CTNNA2: variants seen among roughly 807,000 people sequenced by gnomAD.
CTNNA2 encodes catenin alpha-2.
A neutral mutation model predicts 101.0 loss-of-function variants in CTNNA2; 42 were observed. The ratio of observed to expected loss-of-function variants is 0.42; its 90% confidence interval spans 0.32 to 0.54. The LOEUF is 0.54. Ranked by LOEUF, CTNNA2 falls within the 20% of genes least tolerant of loss-of-function variation. The pLI is 0.14. For missense variants in CTNNA2, 871 were observed against 1,223.1 expected, an observed-to-expected ratio of 0.71 and a Z score of 4.29; for synonymous variants, 450 against 456.4, an observed-to-expected ratio of 0.99 and a Z score of 0.18.
At chr2:79,356,224 A>G (rs1677505897) in intron 3 of CTNNA2, among the ~76,000 whole-genome samples, 1 of 152,026 alleles carries the variant, frequency 6.6e-6, no homozygotes, top group East Asian at 1.9e-4. Flanking sequence ...AACATCTTTC[A>G]TATGCTTATT....
At chr2:80,048,539 A>G (rs1037210163) in intron 7 of CTNNA2, among the ~76,000 whole-genome samples, 2 of 152,352 alleles carry the variant, frequency 1.3e-5, no homozygotes, top group Non-Finnish European at 1.5e-5. Context: ...AAAGCCAGGA[A>G]GTTCAGTTCA....
intron 4 of CTNNA2, among the ~76,000 whole-genome samples, chr2:79,490,295 TG>T (rs1671196219): frequency 6.6e-6 from 1 of 152,164 alleles, no homozygotes; most frequent in African/African-American, 2.4e-5. Flanking sequence ...GGTCTGTCTT[TG>T]CTGTGGATAA....
At chr2:80,167,180 A>C (rs990837136) in intron 7 of CTNNA2, among the ~76,000 whole-genome samples, 1 of 152,138 alleles carries the variant, frequency 6.6e-6, no homozygotes, top group African/African-American at 2.4e-5. Flanking sequence ...GCACCAACCT[A>C]ACGCTGTATC....
At chr2:79,222,371 G>C (rs1056447448) in intron 2 of CTNNA2, among the ~76,000 whole-genome samples, 2 of 152,160 alleles carry the variant, frequency 1.3e-5, no homozygotes, top group African/African-American at 4.8e-5. Context: ...CCTTCTGCAG[G>C]AATCTGGTTC....
At chr2:80,410,389 C>A (rs2149393073) in intron 8 of CTNNA2, among the ~76,000 whole-genome samples, 1 of 152,272 alleles carries the variant, frequency 6.6e-6, no homozygotes, top group Non-Finnish European at 1.5e-5. Flanking sequence ...TGATGAATAG[C>A]CTTAATTGGG....
intron 9 of CTNNA2, among the ~76,000 whole-genome samples, chr2:80,483,620 A>G (rs1356033218): frequency 3.3e-5 from 5 of 152,194 alleles, no homozygotes; most frequent in Admixed American, 2.0e-4. Flanking sequence ...TTATCTACAG[A>G]ATATTTTGAA....
chr2:80,225,918 C>G (rs1328409239), intron 7 of CTNNA2, among the ~76,000 whole-genome samples: 1 of 151,890 alleles, frequency 6.6e-6, no homozygotes, highest in Non-Finnish European at 1.5e-5. Flanking sequence ...CTATAACAAC[C>G]AAAAATACTG....
At chr2:80,130,752 C>CT (rs1278180007) in intron 7 of CTNNA2, among the ~76,000 whole-genome samples, 136 of 146,168 alleles carry the variant, frequency 9.3e-4, no homozygotes, top group East Asian at 3.2e-3. Flanking sequence ...TTCTTGTACT[C>CT]TTTTTTTTTT....
intron 2 of CTNNA2, among the ~76,000 whole-genome samples, chr2:79,655,054 T>C (rs1276197583): frequency 6.6e-6 from 1 of 152,176 alleles, no homozygotes; most frequent in African/African-American, 2.4e-5. Context: ...TTTTATAAAA[T>C]ATTGGTCTGT....
intron 3 of CTNNA2, among the ~76,000 whole-genome samples, chr2:79,778,403 C>A (rs1237678556): frequency 6.6e-6 from 1 of 151,750 alleles, no homozygotes; most frequent in East Asian, 1.9e-4. Context: ...TCATTAGGTA[C>A]TTTTTCTGCA....
chr2:79,316,867 T>C (rs1676509544), intron 3 of CTNNA2, among the ~76,000 whole-genome samples: 1 of 151,944 alleles, frequency 6.6e-6, no homozygotes. Flanking sequence ...CAATTTTACT[T>C]ATTTTCAAAT....
At chr2:79,710,752 T>C (rs895481112) in intron 2 of CTNNA2, among the ~76,000 whole-genome samples, 2 of 152,166 alleles carry the variant, frequency 1.3e-5, no homozygotes, top group Non-Finnish European at 2.9e-5. Flanking sequence ...GTGTTGTGTG[T>C]GCATATGAGC....
chr2:80,098,186 T>C (rs1280531400), intron 7 of CTNNA2, among the ~76,000 whole-genome samples: 1 of 151,968 alleles, frequency 6.6e-6, no homozygotes, highest in African/African-American at 2.4e-5. Context: ...GGGTTTTTGG[T>C]GTGGATGTCC....
At chr2:79,758,359 A>G (rs962229102) in intron 3 of CTNNA2, among the ~76,000 whole-genome samples, 3 of 152,208 alleles carry the variant, frequency 2.0e-5, no homozygotes, top group African/African-American at 7.2e-5. Context: ...GGCAGTCTTC[A>G]TTAACTCTGG....
intron 12 of CTNNA2, among the ~76,000 whole-genome samples, chr2:80,557,062 A>G (rs1693106734): frequency 6.6e-6 from 1 of 152,230 alleles, no homozygotes; most frequent in Non-Finnish European, 1.5e-5. Flanking sequence ...AGTAAAACAC[A>G]ATACATAAAC....
intron 7 of CTNNA2, among the ~76,000 whole-genome samples, chr2:80,060,424 G>A (rs1697503840): frequency 6.6e-6 from 1 of 152,144 alleles, no homozygotes; most frequent in South Asian, 2.1e-4. Context: ...GGCATGCCTT[G>A]GAGCAGAAGC....
At chr2:80,448,221 C>G (rs1022932032) in intron 9 of CTNNA2, among the ~76,000 whole-genome samples, 6 of 152,182 alleles carry the variant, frequency 3.9e-5, no homozygotes, top group African/African-American at 1.2e-4. Flanking sequence ...TCTTCACTTA[C>G]TAAAGAAAGA....
chr2:80,060,905 A>G (rs1572969594), intron 7 of CTNNA2, among the ~76,000 whole-genome samples: 1 of 152,002 alleles, frequency 6.6e-6, no homozygotes, highest in Admixed American at 6.6e-5. Flanking sequence ...GGTTATATGA[A>G]CCCACATCCA....
At chr2:80,177,193 AAGTG>A (rs1251776546) in intron 7 of CTNNA2, among the ~76,000 whole-genome samples, 1 of 152,134 alleles carries the variant, frequency 6.6e-6, no homozygotes, top group Non-Finnish European at 1.5e-5. Context: ...TTTAGCTCTA[AAGTG>A]AGTGCCTTGG....
Sources: allele counts gnomAD v4.1 joint callset (sites outside exome capture counted in the v4.1 genomes callset), GRCh38; gene constraint gnomAD v4.1.1; transcripts MANE v1.5; gene names NCBI Gene and HGNC (gene_info 2026-07-23, HGNC 2026-07-21).